PKDCC: variants seen among roughly 807,000 people sequenced by gnomAD.
PKDCC encodes extracellular tyrosine-protein kinase PKDCC.
PKDCC carries 35 observed loss-of-function variants against 44.7 expected under a neutral mutation model. That is an observed-to-expected ratio of 0.78 (90% confidence interval 0.60 to 1.04). The LOEUF (loss-of-function observed/expected upper bound fraction) is 1.04. Ranked by LOEUF, PKDCC falls within the 50% of genes least tolerant of loss-of-function variation. The pLI, the probability that PKDCC is intolerant of heterozygous loss-of-function variation, is 0.00. For missense variants in PKDCC, 738 were observed against 672.7 expected, an observed-to-expected ratio of 1.10 and a Z score of -1.07; for synonymous variants, 353 against 303.3, an observed-to-expected ratio of 1.16 and a Z score of -1.70.
At position 42,058,034 on chromosome 2, in the gene PKDCC, A is replaced by C. The variant is rs1388436668; in HGVS notation, c.*346A>C. 3.3e-6 allele frequency: 1 copy of C among 302,952 alleles called. No individual in the cohort carries two copies. The highest frequency in any genetic ancestry group is 5.1e-5 in the South Asian group (1 of 19,680). The allele number at this position is 302,952 out of a possible 1,614,324, so 18.8% of individuals were successfully genotyped here. Reference sequence around the variant, plus strand: ...CGTGGGCAGCCCCATCACTGTGTTCAATAGTGTGAGAATGTAGCTAAAGCC... The same window carrying C: ...CGTGGGCAGCCCCATCACTGTGTTCCATAGTGTGAGAATGTAGCTAAAGCC... On this transcript the variant is annotated 3_prime_UTR_variant, in exon 7 of 7. Transcript: ENST00000294964. The surrounding 1 kb of genome is among the most constrained non-coding windows in gnomAD (Gnocchi z 4.2).
Position 42,048,120 on chromosome 2 carries a change from GGAGCCGCCTCGGAGCCT to G in PKDCC, c.-71_-55del. 6 of 850,908 alleles carry G rather than the reference GGAGCCGCCTCGGAGCCT, an allele frequency of 7.1e-6. No homozygotes were observed. Among genetic ancestry groups the G allele is most frequent in the Non-Finnish European group, 8.5e-6 (6 of 709,780 alleles). 52.7% of individuals were successfully genotyped at this position (850,908 alleles called of 1,614,324 possible). A position where few individuals can be genotyped will look rare whatever the true frequency, so the allele number is the denominator to read the frequency against. ...GCAGGGGGCCGGCGGGGCGCAGAGCGGAGCCGCCTCGGAGCCTGAGCCGCCCGGGGCCGGGGCCGGGG... is the reference window on the plus strand; with the variant it reads ...GCAGGGGGCCGGCGGGGCGCAGAGCGGAGCCGCCCGGGGCCGGGGCCGGGG... On this transcript the variant is annotated 5_prime_UTR_variant, in exon 1 of 7. The change abolishes the stop of an existing upstream ORF in the 5' untranslated region. Coordinates refer to ENST00000294964, the MANE Select transcript of PKDCC (RefSeq NM_138370.3). This position sits in a 1 kb window ranked among gnomAD's most constrained non-coding sequence, Gnocchi z 6.2.
In PKDCC at chr2:42,055,826, A is replaced by G. The variant is rs1426703632; in HGVS notation, c.1222+433A>G. ...TCCTATGACACAGCTGGAACGCAGT[A>G]TATGTTTGCTTCCCTTTCCTTCCTC... On this transcript the variant is annotated intron_variant, in intron 5 of 6. Coordinates refer to ENST00000294964, the MANE Select transcript of PKDCC (RefSeq NM_138370.3). This position sits in a 1 kb window ranked among gnomAD's most constrained non-coding sequence, Gnocchi z 4.5. 6.6e-6 allele frequency among the ~76,000 whole-genome samples: 1 copy of G among 152,226 alleles called. No homozygotes were observed. The highest frequency in any genetic ancestry group is 1.5e-5 in the Non-Finnish European group (1 of 68,036).
rs759723602 is a variant in PKDCC at position 42,055,311 on chromosome 2, G to A, written c.1140G>A (p.Glu380=). The A allele has an allele frequency of 4.3e-6, 7 of 1,613,464 alleles. No homozygotes were observed. In the Admixed American group the frequency reaches 1.2e-4, roughly 27 times the overall value. The change falls in exon 5 of 7, where the codon GAG becomes GAA. Residue 380 remains glutamate (E), a synonymous_variant. Coordinates refer to ENST00000294964, the MANE Select transcript of PKDCC (RefSeq NM_138370.3). The surrounding 1 kb of genome is among the most constrained non-coding windows in gnomAD (Gnocchi z 4.5). ...GAGAGCTCGCCTGGGGGGTGGACGA[G>A]ACCCTGGCCCAGCTGGAGAAGGTGC... The part of the protein sequence containing the change: ...ATGELAWGVD[E]TLAQLEKVLH...
At position 42,048,478 on chromosome 2, in the gene PKDCC, C is replaced by A; in HGVS notation, c.279C>A (p.Gly93=). ...ERRRLMDLAP[G]GPGLPRPRPP... is the part of the protein sequence containing the mutation. ...GGCGCCTGATGGACCTGGCTCCGGG[C>A]GGGCCCGGCCTGCCGCGCCCCCGGC... is the stretch of plus-strand genomic sequence containing the variant. Residue 93 remains glycine (G), a synonymous_variant, in exon 1 of 7, where the codon GGC becomes GGA. Transcript: ENST00000294964. This position sits in a 1 kb window ranked among gnomAD's most constrained non-coding sequence, Gnocchi z 6.2. 1.3e-5 allele frequency: 14 copies of A among 1,038,664 alleles called. No individual in the cohort carries two copies. The highest frequency in any genetic ancestry group is 1.6e-5 in the Non-Finnish European group (14 of 865,990). 64.3% of individuals were successfully genotyped at this position (1,038,664 alleles called of 1,614,324 possible). A position where few individuals can be genotyped will look rare whatever the true frequency, so the allele number is the denominator to read the frequency against.
chr2:42,054,726 C>T lies in PKDCC; in HGVS notation c.1035-215C>T, dbSNP rs1454872336. On this transcript the variant is annotated intron_variant, in intron 3 of 6. Transcript: ENST00000294964. This position sits in a 1 kb window ranked among gnomAD's most constrained non-coding sequence, Gnocchi z 6.1. ...GTCCTGGGAAGGGTTGGGAAGCAGG[C>T]CCCTGGTTTCGGTTAGTATGAAGTT... 7 of 606,086 alleles carry T rather than the reference C, an allele frequency of 1.2e-5. No homozygotes were observed. Among genetic ancestry groups the T allele is most frequent in the Non-Finnish European group, 2.1e-5 (7 of 340,438 alleles). 37.5% of individuals were successfully genotyped at this position (606,086 alleles called of 1,614,324 possible).
At position 42,053,250 on chromosome 2, in the gene PKDCC, C is replaced by T; in HGVS notation, c.651C>T (p.Tyr217=). The part of the protein sequence containing the change: ...RHPNVLQLYG[Y]CYQDSEDIPD... ...TCGGCTTTCCCCAGCTCTATGGCTA[C>T]TGCTACCAGGACAGCGAGGACATCC... The change falls in exon 2 of 7, where the codon TAC becomes TAT. Residue 217 remains tyrosine (Y), a synonymous_variant. Coordinates refer to ENST00000294964, the MANE Select transcript of PKDCC (RefSeq NM_138370.3). 1 of 1,569,774 alleles carries T rather than the reference C, an allele frequency of 6.4e-7. No individual in the cohort carries two copies. Among genetic ancestry groups the T allele is most frequent in the Non-Finnish European group, 8.7e-7 (1 of 1,152,276 alleles).
In PKDCC at chr2:42,055,512, C is replaced by CTGTAGGG; in HGVS notation, c.1222+120_1222+126dup. 1 of 773,244 alleles carries CTGTAGGG rather than the reference C, an allele frequency of 1.3e-6. No homozygotes were observed. Among genetic ancestry groups the CTGTAGGG allele is most frequent in the East Asian group, 2.7e-5 (1 of 37,122 alleles). The allele number at this position is 773,244 out of a possible 1,614,324, so 47.9% of individuals were successfully genotyped here. On this transcript the variant is annotated intron_variant, in intron 5 of 6. Coordinates refer to ENST00000294964, the MANE Select transcript of PKDCC (RefSeq NM_138370.3). The surrounding 1 kb of genome is among the most constrained non-coding windows in gnomAD (Gnocchi z 4.5). ...TGGGGACCCTTGTCTCCAAAGGCCACTGTAGGGGCTCACATAGAATCATGG... is the reference window on the plus strand; with the variant it reads ...TGGGGACCCTTGTCTCCAAAGGCCACTGTAGGGTGTAGGGGCTCACATAGAATCATGG...
intron 1 of PKDCC, among the ~76,000 whole-genome samples, chr2:42,049,742 A>T (rs1221719056): frequency 6.6e-6 from 1 of 152,050 alleles, no homozygotes; most frequent in African/African-American, 2.4e-5. Flanking sequence ...CAGTCCCAGC[A>T]CCGCCCTAAC....
In PKDCC at chr2:42,054,364, T is replaced by C. The variant is rs971517339; in HGVS notation, c.1034+57T>C. On this transcript the variant is annotated intron_variant, in intron 3 of 6. Coordinates refer to ENST00000294964, the MANE Select transcript of PKDCC (RefSeq NM_138370.3). The surrounding 1 kb of genome is among the most constrained non-coding windows in gnomAD (Gnocchi z 6.1). ...CGAAGGAGAATGGGCCAGGAGGGCA[T>C]GGCAGGAAGAGAGCCAACGTGGAGG... 3.3e-6 allele frequency: 5 copies of C among 1,534,398 alleles called. No individual in the cohort carries two copies. The African/African-American group carries it at 4.1e-5, about 13-fold the overall frequency.
chr2:42,048,895 T>C lies in PKDCC; in HGVS notation c.639+57T>C, dbSNP rs750676530. The C allele has an allele frequency of 1.1e-5, 16 of 1,392,364 alleles. No individual in the cohort carries two copies. The highest frequency in any genetic ancestry group is 1.3e-5 in the Non-Finnish European group (14 of 1,067,998). 86.3% of individuals were successfully genotyped at this position (1,392,364 alleles called of 1,614,324 possible). On this transcript the variant is annotated intron_variant, in intron 1 of 6. Transcript: ENST00000294964. The surrounding 1 kb of genome is among the most constrained non-coding windows in gnomAD (Gnocchi z 6.2). ...TTGGCTGGGAGTGCCCAAGACCTTG[T>C]CAACCTGGCTGGAAGAGAACCCCTT...
chr2:42,056,802 A>G (rs1026817174), intron 5 of PKDCC, among the ~76,000 whole-genome samples: 3 of 152,170 alleles, frequency 2.0e-5, no homozygotes, highest in Non-Finnish European at 1.5e-5. Context: ...AAGAATCTGC[A>G]TTTTAACAAG....
chr2:42,048,432 G>A lies in PKDCC; in HGVS notation c.233G>A (p.Gly78Glu). 1 of 1,120,970 alleles carries A rather than the reference G, an allele frequency of 8.9e-7. No individual in the cohort carries two copies. Among genetic ancestry groups the A allele is most frequent in the Non-Finnish European group, 1.1e-6 (1 of 919,964 alleles). 69.4% of individuals were successfully genotyped at this position (1,120,970 alleles called of 1,614,324 possible). Reference protein sequence around the residue: ...QRYSRGGPGPGAGRPERRRLM... With the variant: ...QRYSRGGPGPEAGRPERRRLM... ...TATTCCCGCGGGGGCCCCGGGCCCG[G>A]GGCGGGCCGGCCGGAGCGGCGGCGC... Residue 78 changes from glycine to glutamate, a missense_variant, in exon 1 of 7, where the codon GGG becomes GAG. Physicochemically the swap from Gly to Glu is moderately conservative, Grantham distance 98. Transcript: ENST00000294964. This position sits in a 1 kb window ranked among gnomAD's most constrained non-coding sequence, Gnocchi z 6.2.
intron 5 of PKDCC, among the ~76,000 whole-genome samples, chr2:42,056,773 GAAAA>G (rs575397277): frequency 6.6e-4 from 98 of 149,456 alleles, no homozygotes; most frequent in Non-Finnish European, 1.2e-3. Context: ...AAAAAAAAAA[GAAAA>G]AAAAAGAAAA....
At position 42,052,358 on chromosome 2, in the gene PKDCC, T is replaced by C. The variant is rs2103926779; in HGVS notation, c.640-881T>C. ...AGAGAAAATTGAAGCTGCCAGAAGGTAGAAATGATGAGGGATAGATACAGA... is the reference window on the plus strand; with the variant it reads ...AGAGAAAATTGAAGCTGCCAGAAGGCAGAAATGATGAGGGATAGATACAGA... On this transcript the variant is annotated intron_variant, in intron 1 of 6. Transcript: ENST00000294964. The surrounding 1 kb of genome is among the most constrained non-coding windows in gnomAD (Gnocchi z 4.3). Among the ~76,000 whole-genome samples, 1 of 152,230 alleles carries C rather than the reference T, an allele frequency of 6.6e-6. No homozygotes were observed. The highest frequency in any genetic ancestry group is 1.5e-5 in the Non-Finnish European group (1 of 68,018).
Position 42,048,237 on chromosome 2 carries a change from G to C in PKDCC, c.38G>C (p.Cys13Ser). ...RRRAAVAAGF[C>S]ASFLLGSVLN... is the part of the protein sequence containing the mutation. ...CGGGCGGCAGTGGCCGCGGGTTTCTGCGCCTCCTTCCTGCTGGGCTCCGTC... is the reference window on the plus strand; with the variant it reads ...CGGGCGGCAGTGGCCGCGGGTTTCTCCGCCTCCTTCCTGCTGGGCTCCGTC... Residue 13 changes from cysteine to serine, a missense_variant, in exon 1 of 7, where the codon TGC (cysteine) becomes TCC (serine). Cys to Ser is a moderately radical substitution (Grantham distance 112). Coordinates refer to ENST00000294964, the MANE Select transcript of PKDCC (RefSeq NM_138370.3). The surrounding 1 kb of genome is among the most constrained non-coding windows in gnomAD (Gnocchi z 6.2). 1 of 1,265,070 alleles carries C rather than the reference G, an allele frequency of 7.9e-7. No homozygotes were observed. The highest frequency in any genetic ancestry group is 1.0e-6 in the Non-Finnish European group (1 of 993,436). The allele number at this position is 1,265,070 out of a possible 1,614,324, so 78.4% of individuals were successfully genotyped here.
Position 42,051,606 on chromosome 2 carries a change from A to G in PKDCC, c.640-1633A>G, listed in dbSNP as rs1334841504. The stretch of plus-strand genomic sequence containing the variant: ...TCAGAAGTTTCCCACAAAGGCTCAG[A>G]CTCTGGGCAAGAAAATGAGAACCAG... On this transcript the variant is annotated intron_variant, in intron 1 of 6. Transcript: ENST00000294964. The surrounding 1 kb of genome is among the most constrained non-coding windows in gnomAD (Gnocchi z 4.2). Among the ~76,000 whole-genome samples the G allele has an allele frequency of 6.6e-6, 1 of 151,796 alleles. No homozygotes were observed. Among genetic ancestry groups the G allele is most frequent in the Non-Finnish European group, 1.5e-5 (1 of 67,944 alleles).
chr2:42,048,391 C>G lies in PKDCC; in HGVS notation c.192C>G (p.Tyr64Ter). 1.7e-6 allele frequency: 2 copies of G among 1,152,396 alleles called. No individual in the cohort carries two copies. The highest frequency in any genetic ancestry group is 2.1e-6 in the Non-Finnish European group (2 of 939,764). The allele number at this position is 1,152,396 out of a possible 1,614,324, so 71.4% of individuals were successfully genotyped here. A position where few individuals can be genotyped will look rare whatever the true frequency, so the allele number is the denominator to read the frequency against. Reference protein sequence around the residue: ...GELARQIRARYEEVQRYSRGG... With the variant: ...GELARQIRAR Reference sequence around the variant, plus strand: ...TGGCCCGGCAGATCCGGGCGCGCTACGAGGAGGTGCAGCGCTATTCCCGCG... The same window carrying G: ...TGGCCCGGCAGATCCGGGCGCGCTAGGAGGAGGTGCAGCGCTATTCCCGCG... Residue 64 changes from tyrosine to a stop codon, truncating the protein, a stop_gained, in exon 1 of 7, where the codon TAC (tyrosine) becomes TAG (stop). Transcript: ENST00000294964. LOFTEE classifies it high-confidence loss of function. This position sits in a 1 kb window ranked among gnomAD's most constrained non-coding sequence, Gnocchi z 6.2.
At position 42,048,474 on chromosome 2, in the gene PKDCC, C is replaced by T. The variant is rs2103922118; in HGVS notation, c.275C>T (p.Pro92Leu). 4.8e-6 allele frequency: 5 copies of T among 1,045,190 alleles called. No homozygotes were observed. The highest frequency in any genetic ancestry group is 7.9e-5 in the East Asian group (1 of 12,634). The allele number at this position is 1,045,190 out of a possible 1,614,324, so 64.7% of individuals were successfully genotyped here. A position where few individuals can be genotyped will look rare whatever the true frequency, so the allele number is the denominator to read the frequency against. ...PERRRLMDLAPGGPGLPRPRP... is the reference protein window; with the variant it reads ...PERRRLMDLALGGPGLPRPRP... Reference sequence around the variant, plus strand: ...CGGCGGCGCCTGATGGACCTGGCTCCGGGCGGGCCCGGCCTGCCGCGCCCC... The same window carrying T: ...CGGCGGCGCCTGATGGACCTGGCTCTGGGCGGGCCCGGCCTGCCGCGCCCC... The change falls in exon 1 of 7, where the codon CCG (proline) becomes CTG (leucine). Residue 92 changes from proline (P) to leucine (L), a missense_variant. Pro to Leu is a moderately conservative substitution (Grantham distance 98). Transcript: ENST00000294964. This position sits in a 1 kb window ranked among gnomAD's most constrained non-coding sequence, Gnocchi z 6.2.
At position 42,054,891 on chromosome 2, in the gene PKDCC, T is replaced by C; in HGVS notation, c.1035-50T>C. ...GCCCCAGGTTGGAATAGAGGAAGGA[T>C]GTGTCTCCAAAGGCTGGATTCCTGA... On this transcript the variant is annotated intron_variant, in intron 3 of 6. Coordinates refer to ENST00000294964, the MANE Select transcript of PKDCC (RefSeq NM_138370.3). The surrounding 1 kb of genome is among the most constrained non-coding windows in gnomAD (Gnocchi z 6.1). The C allele has an allele frequency of 6.6e-7, 1 of 1,523,818 alleles. No individual in the cohort carries two copies. The highest frequency in any genetic ancestry group is 9.1e-7 in the Non-Finnish European group (1 of 1,097,756). 94.4% of individuals were successfully genotyped at this position (1,523,818 alleles called of 1,614,324 possible).
Sources: gnomAD v4.1 joint callset for allele counts (sites outside exome capture counted in the v4.1 genomes callset) on GRCh38, gnomAD v4.1.1 for gene constraint, Gnocchi (gnomAD v3.1) non-coding constraint, MANE v1.5 for transcripts, NCBI Gene and HGNC (gene_info 2026-07-23, HGNC 2026-07-21) for gene names.